Variants in CD55 observed in about 807,000 individuals in gnomAD.
CD55 encodes CD55 molecule (Cromer blood group).
CD55 carries 41 observed loss-of-function variants against 45.8 expected under a neutral mutation model. The observed-to-expected ratio is 0.90, with a 90% CI of 0.70 to 1.16. The LOEUF (loss-of-function observed/expected upper bound fraction) is 1.16, where lower values mean the gene tolerates loss of function less well. Ranked by LOEUF, CD55 falls within the 50% of genes most tolerant of loss-of-function variation. The pLI is 0.00. For missense variants in CD55, 416 were observed against 469.8 expected (o/e 0.89, Z 1.06); for synonymous variants, 181 against 181.1 (o/e 1.00, Z 0.01).
intron 9 of CD55, among the ~76,000 whole-genome samples, chr1:207,343,552 T>C (rs1367163929): frequency 6.6e-6 from 1 of 152,230 alleles, no homozygotes; most frequent in Non-Finnish European, 1.5e-5. Context: ...TGATACAATT[T>C]TGACTTTTTC....
chr1:207,336,987 C>A, intron 7 of CD55, 169 bp downstream of exon 7: 1 of 737,642 alleles, frequency 1.4e-6, no homozygotes, highest in Non-Finnish European at 2.3e-6. Flanking sequence ...GGAGTCTCAT[C>A]AACACCTCAA....
intron 5 of CD55, among the ~76,000 whole-genome samples, chr1:207,327,969 A>G (rs1310443684): frequency 1.3e-5 from 2 of 152,168 alleles, no homozygotes; most frequent in South Asian, 2.1e-4. Context: ...ATGATAGTAA[A>G]TTAAAGATAG....
intron 7 of CD55, 132 bp downstream of exon 7, chr1:207,336,950 C>A: frequency 1.0e-6 from 1 of 953,922 alleles, no homozygotes; most frequent in Non-Finnish European, 1.6e-6. Context: ...ACCTTAGAAA[C>A]CCACCACAAT....
rs553786824 is a variant in CD55, at chr1:207,333,344, G to A, written c.853+2048G>A. Among the ~76,000 whole-genome samples, 3 of 152,358 alleles carry A rather than the reference G, an allele frequency of 2.0e-5. No individual in the cohort carries two copies. The South Asian group carries it at 6.2e-4, about 32-fold the overall frequency. On this transcript the variant is annotated intron_variant, in intron 6 of 9. Transcript: ENST00000367064. Reference sequence around the variant, plus strand: ...ACAACAAAAATCCGCCAGGCTTTCAGTCAGAAGCCCGGAAGGGCCACTCCC... The same window carrying A: ...ACAACAAAAATCCGCCAGGCTTTCAATCAGAAGCCCGGAAGGGCCACTCCC...
intron 9 of CD55, among the ~76,000 whole-genome samples, chr1:207,344,709 A>G (rs1466764929): frequency 6.8e-6 from 1 of 146,324 alleles, no homozygotes; most frequent in Non-Finnish European, 1.5e-5. Context: ...CATGGAGAAA[A>G]CCTTTTTTTT....
Position 207,324,467 on chromosome 1 carries a change from A to G in CD55, c.287-92A>G, listed in dbSNP as rs1461163275. ...TAAATATGCGCAAAGCAGTAAAGAA[A>G]GGGGGTTATTAGGGTCCAGATAATT... On this transcript the variant is annotated intron_variant, in intron 2 of 9. Coordinates refer to ENST00000367064, the MANE Select transcript of CD55 (RefSeq NM_000574.5). 12 of 749,836 alleles carry G rather than the reference A, an allele frequency of 1.6e-5. No homozygotes were observed. The East Asian group carries it at 3.0e-4, about 19-fold the overall frequency. The allele number at this position is 749,836 out of a possible 1,614,324, so 46.4% of individuals were successfully genotyped here.
intron 9 of CD55, among the ~76,000 whole-genome samples, chr1:207,342,663 C>G (rs1655474578): frequency 6.6e-6 from 1 of 151,878 alleles, no homozygotes; most frequent in African/African-American, 2.4e-5. Context: ...TTTTGTTGTT[C>G]TTGTTGTGTT....
rs376304458 is a variant in CD55, at chr1:207,322,568, G to C, written c.286+1G>C. The stretch of plus-strand genomic sequence containing the variant: ...TCAGATATTGAAGAGTTCTGCAATC[G>C]TAAGTTCTTCATCTTTTTAGAAAAG... On this transcript the variant is annotated splice_donor_variant, in intron 2 of 9. Coordinates refer to ENST00000367064, the MANE Select transcript of CD55 (RefSeq NM_000574.5). LOFTEE classifies it high-confidence loss of function. The C allele has an allele frequency of 6.3e-7, 1 of 1,593,974 alleles. No homozygotes were observed. The highest frequency in any genetic ancestry group is 2.2e-5 in the East Asian group (1 of 44,726).
intron 9 of CD55, among the ~76,000 whole-genome samples, chr1:207,341,746 A>G (rs565315393): frequency 6.6e-6 from 1 of 151,332 alleles, no homozygotes; most frequent in East Asian, 1.9e-4. Context: ...TGGTTCCACA[A>G]TCATTTTAGG....
rs1654403099 is a variant in CD55 at position 207,321,679 on chromosome 1, T to G, written c.-87T>G. The stretch of plus-strand genomic sequence containing the variant: ...TGGTATTGCGGAGCCACGAGGCTTC[T>G]GCTTACTGCAACTCGCTCCGGCCGC... On this transcript the variant is annotated 5_prime_UTR_variant, in exon 1 of 10. Transcript: ENST00000367064. 1 of 960,304 alleles carries G rather than the reference T, an allele frequency of 1.0e-6. No homozygotes were observed. The highest frequency in any genetic ancestry group is 1.5e-6 in the Non-Finnish European group (1 of 671,116). The allele number at this position is 960,304 out of a possible 1,614,324, so 59.5% of individuals were successfully genotyped here.
chr1:207,348,623 A>G (rs1655743450), intron 9 of CD55, among the ~76,000 whole-genome samples: 1 of 151,954 alleles, frequency 6.6e-6, no homozygotes. Context: ...GCTTTTGGAG[A>G]CCTCATCATG....
At chr1:207,322,703 C>T in intron 2 of CD55, 136 bp downstream of exon 2, 2 of 680,762 alleles carry the variant, frequency 2.9e-6, no homozygotes, top group Middle Eastern at 3.2e-4. Context: ...GTTGGCACGT[C>T]ACACTCCAGC....
chr1:207,337,205 T>C (rs778674175), intron 7 of CD55, 124 bp from the exon 8 acceptor site: 9 of 691,960 alleles, frequency 1.3e-5, no homozygotes, highest in Non-Finnish European at 2.1e-5. Context: ...AGCCCAAAAA[T>C]TCACCACAGC....
In CD55 at chr1:207,336,813, C is replaced by T. The variant is rs1306746439; in HGVS notation, c.974C>T (p.Ala325Val). The change falls in exon 7 of 10, where the codon GCT becomes GTT. Residue 325 changes from alanine (A) to valine (V), a missense_variant. Coordinates refer to ENST00000367064, the MANE Select transcript of CD55 (RefSeq NM_000574.5). ...KTTTKTTTPNAQATRSTPVSR... is the reference protein window; with the variant it reads ...KTTTKTTTPNVQATRSTPVSR... The stretch of plus-strand genomic sequence containing the variant: ...ACCACAAAAACCACCACACCAAATG[C>T]TCAAGGTACAGAGACTCCATCAGTT... 6.2e-7 allele frequency: 1 copy of T among 1,613,860 alleles called. No homozygotes were observed. The highest frequency in any genetic ancestry group is 1.7e-5 in the Admixed American group (1 of 59,986).
At chr1:207,349,060 T>G (rs1572898197) in intron 9 of CD55, among the ~76,000 whole-genome samples, 2 of 152,214 alleles carry the variant, frequency 1.3e-5, no homozygotes, top group East Asian at 3.8e-4. Flanking sequence ...CTTTTTTGAT[T>G]CCATATGAAT....
At chr1:207,332,534 G>A (rs1432451639) in intron 6 of CD55, among the ~76,000 whole-genome samples, 1 of 152,184 alleles carries the variant, frequency 6.6e-6, no homozygotes, top group Non-Finnish European at 1.5e-5. Flanking sequence ...TAATGATAAT[G>A]ATTGTTAGGG....
chr1:207,355,812 A>G (rs186405636), intron 9 of CD55, among the ~76,000 whole-genome samples: 2 of 152,328 alleles, frequency 1.3e-5, no homozygotes, highest in Admixed American at 1.3e-4. Context: ...TAATTCTGTC[A>G]CCATATTTGA....
At chr1:207,331,002 A>G in intron 5 of CD55, 106 bp from the exon 6 acceptor site, 1 of 867,806 alleles carries the variant, frequency 1.2e-6, no homozygotes, top group Non-Finnish European at 1.7e-6. Flanking sequence ...TAGAAAAATG[A>G]TATTTTGATT....
At chr1:207,329,460 C>T (rs1278287599) in intron 5 of CD55, among the ~76,000 whole-genome samples, 1 of 152,152 alleles carries the variant, frequency 6.6e-6, no homozygotes, top group East Asian at 1.9e-4. Flanking sequence ...CTCCTTAGAG[C>T]TTATTCATAT....
Sources: allele counts gnomAD v4.1 joint callset (sites outside exome capture counted in the v4.1 genomes callset), GRCh38; gene constraint gnomAD v4.1.1; transcripts MANE v1.5; gene names NCBI Gene and HGNC (gene_info 2026-07-23, HGNC 2026-07-21).